DOCK10: variants seen among roughly 807,000 people sequenced by gnomAD.
The protein encoded by DOCK10 is dedicator of cytokinesis 10.
A neutral mutation model predicts 280.1 loss-of-function variants in DOCK10; 145 were observed. That is an observed-to-expected ratio of 0.52 (90% CI 0.45 to 0.59). The LOEUF is 0.59. DOCK10 is among the 20% of genes least tolerant of loss of function. The pLI is 0.00. For synonymous variants in DOCK10, 915 were observed against 942.2 expected (o/e 0.97, Z 0.53); for missense variants, 2,368 against 2,651.7 (o/e 0.89, Z 2.35).
intron 53 of DOCK10, among the ~76,000 whole-genome samples, chr2:224,771,672 C>T (rs904101335): frequency 1.3e-5 from 2 of 152,172 alleles, no homozygotes; most frequent in African/African-American, 4.8e-5. Flanking sequence ...GGCCTGTGAC[C>T]AGCAGGCATG....
At chr2:224,867,968 G>T (rs1294697744) in intron 11 of DOCK10, among the ~76,000 whole-genome samples, 8 of 152,194 alleles carry the variant, frequency 5.3e-5, no homozygotes, top group African/African-American at 1.9e-4. Flanking sequence ...TCATCTGCGG[G>T]ACATCCCAGT....
intron 2 of DOCK10, among the ~76,000 whole-genome samples, chr2:224,919,330 TGTATGTGTGGTATGA>T (rs2125960342): frequency 1.6e-5 from 2 of 122,946 alleles, no homozygotes; most frequent in South Asian, 5.3e-4. Context: ...GAGTGTGTGG[TGTATGTGTGGTATGA>T]GTATGTGTGA....
intron 39 of DOCK10, among the ~76,000 whole-genome samples, chr2:224,803,010 C>T (rs377371949): frequency 1.4e-4 from 21 of 152,176 alleles, no homozygotes; most frequent in African/African-American, 4.3e-4. Context: ...AGAAGGAGTG[C>T]GTGATTCCTT....
Position 224,993,202 on chromosome 2 carries a change from GT to G in DOCK10, c.123+49049del, listed in dbSNP as rs112976099. ...AGACTCAGATGGTCTTTCTTTGGAA[GT>G]TTTTTTTTTTTTTTTGCTGTCCAAC... is the stretch of plus-strand genomic sequence containing the variant. On this transcript the variant is annotated intron_variant, in intron 1 of 55. Transcript: ENST00000258390. Among the ~76,000 whole-genome samples the G allele has an allele frequency of 7.1e-3, 961 of 136,062 alleles. 7 individuals carry two copies. The highest frequency in any genetic ancestry group is 0.013 in the African/African-American group (494 of 36,992). 89.3% of individuals were successfully genotyped at this position (136,062 alleles called of 152,430 possible).
At chr2:224,964,170 G>C (rs1704601455) in intron 1 of DOCK10, among the ~76,000 whole-genome samples, 1 of 152,158 alleles carries the variant, frequency 6.6e-6, no homozygotes, top group South Asian at 2.1e-4. Flanking sequence ...CTGTATTTAA[G>C]TGGATGTAAT....
At chr2:224,774,156 A>G (rs1032261913) in intron 52 of DOCK10, among the ~76,000 whole-genome samples, 2 of 152,178 alleles carry the variant, frequency 1.3e-5, no homozygotes, top group African/African-American at 4.8e-5. Context: ...GCTGTAGCCT[A>G]TTCCAGGATG....
intron 1 of DOCK10, among the ~76,000 whole-genome samples, chr2:224,935,424 A>G (rs991416890): frequency 6.6e-6 from 1 of 152,210 alleles, no homozygotes; most frequent in African/African-American, 2.4e-5. Context: ...ACCCAGCCTT[A>G]TTTTGGAAAA....
At chr2:224,854,901 C>T in intron 16 of DOCK10, 62 bp downstream of exon 16, 2 of 1,329,944 alleles carry the variant, frequency 1.5e-6, no homozygotes, top group South Asian at 2.7e-5. Context: ...CCAACCAAAA[C>T]AAACCCACTA....
chr2:224,810,946 C>A (rs922224027), intron 31 of DOCK10, among the ~76,000 whole-genome samples: 2 of 152,022 alleles, frequency 1.3e-5, no homozygotes, highest in African/African-American at 4.8e-5. Context: ...AATAAACATA[C>A]GTGTGCATGT....
rs1401713915 is a variant in DOCK10 at position 224,864,656 on chromosome 2, T to C, written c.1499A>G (p.Asn500Ser). 6.2e-7 allele frequency: 1 copy of C among 1,612,300 alleles called. No individual in the cohort carries two copies. The highest frequency in any genetic ancestry group is 1.3e-5 in the African/African-American group (1 of 74,742). ...CACCAAAACAATTTCAGAATGTGGA[T>C]TGCTTACAGAAAATACAGCCTGTGT... ...FPKQAVFSVS[N>S]PHSEIVLVAK... is the part of the protein sequence containing the mutation. The change falls in exon 13 of 56, where the codon AAT (asparagine) becomes AGT (serine). Residue 500 changes from asparagine (N) to serine (S), a missense_variant. Asn to Ser is a conservative substitution (Grantham distance 46). Around this residue, in one of 2 missense-constraint regions of DOCK10, gnomAD observed 1,209 missense variants for 1,250.9 expected, o/e 0.97. Transcript: ENST00000258390.
At chr2:224,817,626 T>G (rs1479656173) in intron 29 of DOCK10, among the ~76,000 whole-genome samples, 1 of 152,210 alleles carries the variant, frequency 6.6e-6, no homozygotes, top group South Asian at 2.1e-4. Context: ...AACATTCTGT[T>G]TGGTCTTTGA....
At chr2:224,860,520 G>A (rs1013859141) in intron 14 of DOCK10, 4 of 151,658 alleles carry the variant, frequency 2.6e-5, no homozygotes, top group Admixed American at 2.6e-4. Flanking sequence ...CAGGTTATAA[G>A]TAACTTGCCC....
chr2:224,807,409 C>A, intron 33 of DOCK10: 2 of 302,404 alleles, frequency 6.6e-6, no homozygotes, highest in Non-Finnish European at 1.2e-5. Context: ...ACAGAGGAAC[C>A]TGTAAAAGCT....
rs1430471452 is a variant in DOCK10 at position 224,765,687 on chromosome 2, T to G, written c.*34A>C. ...CGAGATTAGCTGCAAATTCAGAAAGTTCTCTTAGAGGTGGGTCTGATGCTG... is the reference window on the plus strand; with the variant it reads ...CGAGATTAGCTGCAAATTCAGAAAGGTCTCTTAGAGGTGGGTCTGATGCTG... On this transcript the variant is annotated 3_prime_UTR_variant, in exon 56 of 56. Transcript: ENST00000258390. 7.7e-6 allele frequency: 11 copies of G among 1,419,564 alleles called. No individual in the cohort carries two copies. The Admixed American group carries it at 9.2e-5, about 12-fold the overall frequency. 87.9% of individuals were successfully genotyped at this position (1,419,564 alleles called of 1,614,324 possible).
intron 3 of DOCK10, among the ~76,000 whole-genome samples, chr2:224,907,195 G>A (rs1700699932): frequency 6.6e-6 from 1 of 152,142 alleles, no homozygotes; most frequent in Non-Finnish European, 1.5e-5. Context: ...AAATTTAAGG[G>A]CTAAAAGAGT....
intron 2 of DOCK10, among the ~76,000 whole-genome samples, chr2:224,928,276 CTT>C (rs61308718): frequency 0.33 from 50,102 of 151,958 alleles, 8,348 homozygotes; most frequent in Middle Eastern, 0.36. Flanking sequence ...AAGAATAAAT[CTT>C]TTCCGGCTGA....
intron 4 of DOCK10, among the ~76,000 whole-genome samples, chr2:224,890,695 ACATGGTATGATTC>A (rs1364938784): frequency 6.6e-6 from 1 of 152,210 alleles, no homozygotes; most frequent in Non-Finnish European, 1.5e-5. Context: ...ACAGGAACAC[ACATGGTATGATTC>A]CATGGTTATG....
At chr2:224,891,108 T>A (rs1057002539) in intron 4 of DOCK10, among the ~76,000 whole-genome samples, 1 of 152,116 alleles carries the variant, frequency 6.6e-6, no homozygotes, top group Non-Finnish European at 1.5e-5. Flanking sequence ...GATGGGTGGA[T>A]GGATGGACAG....
At chr2:224,984,168 C>T (rs955368904) in intron 1 of DOCK10, among the ~76,000 whole-genome samples, 1 of 152,112 alleles carries the variant, frequency 6.6e-6, no homozygotes, top group Non-Finnish European at 1.5e-5. Context: ...ATCATCTGCT[C>T]ATGGCTGCGT....
Sources: allele counts gnomAD v4.1 joint callset (sites outside exome capture counted in the v4.1 genomes callset), GRCh38; gene constraint gnomAD v4.1.1; regional missense constraint gnomAD v4.1.1; transcripts MANE v1.5; gene names NCBI Gene and HGNC (gene_info 2026-07-23, HGNC 2026-07-21).